Variants in PHF14 observed in about 807,000 individuals in gnomAD.
The protein encoded by PHF14 is PHD finger protein 14.
A neutral mutation model predicts 117.9 loss-of-function variants in PHF14; 55 were observed. The observed-to-expected ratio is 0.47, with a 90% confidence interval of 0.38 to 0.58. The LOEUF (loss-of-function observed/expected upper bound fraction) is 0.58, where lower values mean the gene tolerates loss of function less well. PHF14 is among the 20% of genes least tolerant of loss of function. The probability of loss-of-function intolerance (pLI) is 0.00; values close to 1 mark genes in which losing one functional copy is unlikely to be tolerated. For synonymous variants in PHF14, 409 were observed against 368.6 expected (o/e 1.11, Z -1.26); for missense variants, 978 against 1,122.2 (o/e 0.87, Z 1.84).
intron 4 of PHF14, among the ~76,000 whole-genome samples, chr7:11,012,043 T>C (rs1206823059): frequency 3.3e-5 from 5 of 152,190 alleles, no homozygotes. Flanking sequence ...GATGTGACAT[T>C]GCTTACCAGC....
intron 3 of PHF14, among the ~76,000 whole-genome samples, chr7:10,989,239 TA>T (rs1291088114): frequency 6.6e-6 from 1 of 152,230 alleles, no homozygotes; most frequent in Non-Finnish European, 1.5e-5. Flanking sequence ...GAAGAATTAT[TA>T]ATTGTGACCT....
chr7:11,036,731 A>G (rs773060211), intron 9 of PHF14, 43 bp downstream of exon 9: 12 of 1,544,146 alleles, frequency 7.8e-6, no homozygotes, highest in South Asian at 4.7e-5. Flanking sequence ...ACTGAGAACA[A>G]TTTGTTAATG....
At chr7:10,995,568 G>C (rs896949932) in intron 4 of PHF14, among the ~76,000 whole-genome samples, 9 of 152,180 alleles carry the variant, frequency 5.9e-5, no homozygotes, top group Admixed American at 5.9e-4. Context: ...CTCAGCCCTT[G>C]GGTGGTCGAT....
chr7:11,080,841 A>G (rs915695835), intron 16 of PHF14, among the ~76,000 whole-genome samples: 3 of 152,210 alleles, frequency 2.0e-5, no homozygotes, highest in Non-Finnish European at 2.9e-5. Flanking sequence ...AATTTTGAAT[A>G]TAGCAGAAAC....
intron 16 of PHF14, among the ~76,000 whole-genome samples, chr7:11,093,438 C>A (rs1329390009): frequency 6.6e-6 from 1 of 152,090 alleles, no homozygotes; most frequent in Non-Finnish European, 1.5e-5. Flanking sequence ...TTTCTTGTTG[C>A]TCTGCTTACC....
At chr7:11,029,736 C>A (rs954359485) in intron 7 of PHF14, among the ~76,000 whole-genome samples, 2 of 152,032 alleles carry the variant, frequency 1.3e-5, no homozygotes, top group Non-Finnish European at 2.9e-5. Context: ...AGAATGTTAA[C>A]AAATTGTGAG....
intron 3 of PHF14, among the ~76,000 whole-genome samples, chr7:10,987,707 A>G (rs1378933264): frequency 1.3e-5 from 2 of 152,140 alleles, no homozygotes; most frequent in African/African-American, 4.8e-5. Flanking sequence ...ATATTTTAGA[A>G]ATTTTATGTT....
intron 4 of PHF14, among the ~76,000 whole-genome samples, chr7:10,997,726 C>T (rs771445644): frequency 2.6e-5 from 4 of 152,138 alleles, no homozygotes; most frequent in Non-Finnish European, 4.4e-5. Context: ...ACCTCAGTTT[C>T]CTACTGCATG....
At chr7:11,075,561 G>T (rs1439836059) in intron 16 of PHF14, among the ~76,000 whole-genome samples, 4 of 117,078 alleles carry the variant, frequency 3.4e-5, no homozygotes, top group Admixed American at 1.0e-4. Context: ...GGGAAGGAAA[G>T]AGGTTTTTTT....
At chr7:11,015,139 T>C (rs1783492015) in intron 5 of PHF14, 1 of 152,180 alleles carries the variant, frequency 6.6e-6, no homozygotes. Context: ...TCCCATATTT[T>C]AACATAAAAA....
chr7:11,049,936 A>G (rs1223365726), intron 13 of PHF14, among the ~76,000 whole-genome samples: 2 of 152,192 alleles, frequency 1.3e-5, no homozygotes, highest in Admixed American at 6.5e-5. Flanking sequence ...TTTTCTGAGT[A>G]ATACATGATT....
chr7:11,124,398 A>G (rs1055158138), intron 17 of PHF14, among the ~76,000 whole-genome samples: 63 of 152,266 alleles, frequency 4.1e-4, no homozygotes, highest in African/African-American at 1.4e-3. Flanking sequence ...GTGCTGTACA[A>G]TTTCTTATAC....
At chr7:11,165,895 A>G (rs1409165434) in intron 17 of PHF14, among the ~76,000 whole-genome samples, 1 of 152,186 alleles carries the variant, frequency 6.6e-6, no homozygotes, top group Non-Finnish European at 1.5e-5. Flanking sequence ...CTGTTAGAAT[A>G]ACTCAGTCTC....
At chr7:11,108,703 T>C (rs777412435) in intron 16 of PHF14, 2 of 151,756 alleles carry the variant, frequency 1.3e-5, no homozygotes, top group Non-Finnish European at 3.0e-5. Flanking sequence ...GATAATTTAA[T>C]TGTACGAGTA....
intron 17 of PHF14, among the ~76,000 whole-genome samples, chr7:11,163,245 C>A (rs1423599268): frequency 6.6e-6 from 1 of 152,084 alleles, no homozygotes; most frequent in Non-Finnish European, 1.5e-5. Flanking sequence ...CATAATATAG[C>A]CTTAGAATTT....
chr7:11,135,312 G>A (rs1166417515), intron 17 of PHF14, among the ~76,000 whole-genome samples: 1 of 152,008 alleles, frequency 6.6e-6, no homozygotes, highest in Non-Finnish European at 1.5e-5. Context: ...TGATGACAGT[G>A]AACCTGACCA....
chr7:10,977,345 G>T (rs1644545856), intron 2 of PHF14, among the ~76,000 whole-genome samples: 1 of 152,072 alleles, frequency 6.6e-6, no homozygotes, highest in African/African-American at 2.4e-5. Flanking sequence ...TATTAAAGTG[G>T]TTAGATTCGT....
intron 4 of PHF14, among the ~76,000 whole-genome samples, chr7:11,003,893 A>C (rs1257494890): frequency 6.6e-6 from 1 of 152,160 alleles, no homozygotes; most frequent in Non-Finnish European, 1.5e-5. Context: ...GGGTTTTTTA[A>C]CTTTATTTTA....
intron 5 of PHF14, among the ~76,000 whole-genome samples, chr7:11,022,580 G>A (rs78813880): frequency 0.013 from 1,922 of 152,270 alleles, 41 homozygotes; most frequent in East Asian, 0.1. Context: ...GAATAGATAA[G>A]TGCAAAGTGC....
Sources: allele counts gnomAD v4.1 joint callset (sites outside exome capture counted in the v4.1 genomes callset), GRCh38; gene constraint gnomAD v4.1.1; transcripts MANE v1.5; gene names NCBI Gene and HGNC (gene_info 2026-07-23, HGNC 2026-07-21).